Variants in ATR observed in about 807,000 individuals in gnomAD.
The protein encoded by ATR is serine/threonine-protein kinase ATR.
ATR carries 142 observed loss-of-function variants against 305.3 expected under a neutral mutation model. The observed-to-expected ratio is 0.47, with a 90% confidence interval of 0.41 to 0.53. The LOEUF (loss-of-function observed/expected upper bound fraction) is 0.53, where lower values mean the gene tolerates loss of function less well. ATR is among the 20% of genes least tolerant of loss of function. The pLI, the probability that ATR is intolerant of heterozygous loss-of-function variation, is 0.00. For missense variants in ATR, 2,135 were observed against 3,133.1 expected (o/e 0.68, Z 7.60); for synonymous variants, 1,050 against 1,068.1 (o/e 0.98, Z 0.33).
chr3:142,513,724 A>C, intron 25 of ATR, 86 bp from the exon 26 acceptor site: 3 of 1,310,280 alleles, frequency 2.3e-6, no homozygotes, highest in Non-Finnish European at 3.2e-6. Flanking sequence ...ATTTATCACA[A>C]ACGAGTATTC....
intron 8 of ATR, among the ~76,000 whole-genome samples, chr3:142,557,884 T>C (rs1294494903): frequency 1.3e-5 from 2 of 151,784 alleles, no homozygotes; most frequent in African/African-American, 4.8e-5. Flanking sequence ...CCGCATGCCT[T>C]GGCCTCCCAA....
At position 142,524,134 on chromosome 3, in the gene ATR, T is replaced by C. The variant is rs1337287423; in HGVS notation, c.4011A>G (p.Thr1337=). Residue 1337 remains threonine, a synonymous_variant, in exon 22 of 47, where the codon ACA becomes ACG. Coordinates refer to ENST00000350721, the MANE Select transcript of ATR (RefSeq NM_001184.4). ...TVEPIISQLV[T]VLLKGCQDAN... is the part of the protein sequence containing the mutation. ...CATCTTGGCAACCTTTCAAAAGCAC[T>C]GTCACCAACTGTGAGATAATAGGTT... 3.1e-6 allele frequency: 5 copies of C among 1,614,090 alleles called. No homozygotes were observed. The highest frequency in any genetic ancestry group is 3.4e-6 in the Non-Finnish European group (4 of 1,179,944).
intron 36 of ATR, among the ~76,000 whole-genome samples, chr3:142,484,150 G>C (rs2030746559): frequency 6.6e-6 from 1 of 152,154 alleles, no homozygotes; most frequent in Non-Finnish European, 1.5e-5. Flanking sequence ...ATCTGCCTAA[G>C]GGAGGATTCT....
intron 6 of ATR, 116 bp downstream of exon 6, chr3:142,560,147 A>T: frequency 1.0e-6 from 1 of 957,988 alleles, no homozygotes; most frequent in Non-Finnish European, 1.7e-6. Context: ...TTTATTAACT[A>T]CTTCAGTGAA....
At chr3:142,524,223 T>A in intron 21 of ATR, 24 bp from the exon 22 acceptor site, 1 of 1,572,822 alleles carries the variant, frequency 6.4e-7, no homozygotes, top group Non-Finnish European at 8.7e-7. Flanking sequence ...AGAAAGAAAA[T>A]TTATACGTAA....
chr3:142,560,180 T>C (rs531271595), intron 6 of ATR, 83 bp downstream of exon 6: 3 of 1,355,004 alleles, frequency 2.2e-6, no homozygotes, highest in Non-Finnish European at 3.2e-6. Context: ...TAAGGTTACA[T>C]GAGTCAAGTG....
intron 13 of ATR, among the ~76,000 whole-genome samples, chr3:142,551,016 A>G (rs2034452630): frequency 6.6e-6 from 1 of 152,080 alleles, no homozygotes. Flanking sequence ...CAAACTCCTG[A>G]CCTCAGGTGA....
intron 36 of ATR, among the ~76,000 whole-genome samples, chr3:142,481,779 C>T (rs770614064): frequency 2.4e-4 from 37 of 151,882 alleles, no homozygotes; most frequent in South Asian, 4.2e-4. Context: ...CATTAATCAC[C>T]GTGCCCAGCC....
chr3:142,523,271 T>C (rs1258919219), intron 22 of ATR, among the ~76,000 whole-genome samples: 1 of 151,930 alleles, frequency 6.6e-6, no homozygotes, highest in African/African-American at 2.4e-5. Context: ...AATACAAAAA[T>C]TAGCCAGGCG....
intron 46 of ATR, chr3:142,451,628 G>A (rs998599764): frequency 8.0e-7 from 1 of 1,249,834 alleles, no homozygotes; most frequent in Admixed American, 3.0e-5. Flanking sequence ...TGCCCAGGCT[G>A]GAGTGCAGTG....
In ATR at chr3:142,519,720, C is replaced by G; in HGVS notation, c.4331G>C (p.Arg1444Thr). 1 of 1,614,116 alleles carries G rather than the reference C, an allele frequency of 6.2e-7. No individual in the cohort carries two copies. Among genetic ancestry groups the G allele is most frequent in the South Asian group, 1.1e-5 (1 of 91,080 alleles). ...ETNGPGHQLW[R>T]RFPEHVREIL... ...TTCCCGAACATGCTCAGGAAATCTC[C>G]TCCACAATTGGTGACCTGGGCCGTT... Residue 1444 changes from arginine to threonine, a missense_variant, in exon 24 of 47, where the codon AGG becomes ACG. This residue lies in a region of ATR where 202 missense variants were observed against 252.9 expected (regional missense o/e 0.80). Transcript: ENST00000350721.
In ATR at chr3:142,561,498, A is replaced by G. The variant is rs140354119; in HGVS notation, c.1171-77T>C. ...TATTATTCATAGGCAGCAAGAATGT[A>G]TTAGATGTTAGGTGTTTTCTAGTGA... On this transcript the variant is annotated intron_variant, in intron 4 of 46. Transcript: ENST00000350721. 1,195 of 1,434,032 alleles carry G rather than the reference A, an allele frequency of 8.3e-4. 2 individuals carry two copies. In the Middle Eastern group the frequency reaches 0.012, roughly 15 times the overall value. 88.8% of individuals were successfully genotyped at this position (1,434,032 alleles called of 1,614,324 possible).
intron 13 of ATR, 100 bp downstream of exon 13, chr3:142,553,127 G>C: frequency 1.4e-6 from 2 of 1,433,928 alleles, no homozygotes; most frequent in Non-Finnish European, 1.9e-6. Context: ...GAAGAAAAAA[G>C]AAAAGCAAGC....
chr3:142,450,522 T>C (rs2070765458), intron 46 of ATR: 1 of 1,605,668 alleles, frequency 6.2e-7, no homozygotes, highest in Non-Finnish European at 8.5e-7. Flanking sequence ...CTATTTCTCA[T>C]ATCCAGAAAA....
intron 1 of ATR, among the ~76,000 whole-genome samples, chr3:142,577,199 G>C (rs762431121): frequency 3.8e-4 from 58 of 151,820 alleles, no homozygotes; most frequent in Non-Finnish European, 5.3e-4. Context: ...TCTTTCTCTT[G>C]GAATAGCTAC....
rs760704056 is a variant in ATR at position 142,468,093 on chromosome 3, C to CA, written c.6553-26dup. Reference sequence around the variant, plus strand: ...ACTGTCATAAAAAAGAGTTAAATGTCATAAAAAAGAGTTTATACAGGATTT... The same window carrying CA: ...ACTGTCATAAAAAAGAGTTAAATGTCAATAAAAAAGAGTTTATACAGGATTT... On this transcript the variant is annotated intron_variant, in intron 38 of 46. Transcript: ENST00000350721. The CA allele has an allele frequency of 9.3e-6, 15 of 1,607,682 alleles. No individual in the cohort carries two copies. In the Admixed American group the frequency reaches 2.5e-4, roughly 27 times the overall value.
intron 45 of ATR, among the ~76,000 whole-genome samples, chr3:142,455,929 A>T (rs1355028520): frequency 6.6e-6 from 1 of 152,270 alleles, no homozygotes; most frequent in African/African-American, 2.4e-5. Context: ...TTCAAAGGCC[A>T]TCATCAAAGA....
rs148067694 is a variant in ATR at position 142,460,837 on chromosome 3, G to A, written c.7192+1103C>T. On this transcript the variant is annotated intron_variant, in intron 42 of 46. Coordinates refer to ENST00000350721, the MANE Select transcript of ATR (RefSeq NM_001184.4). ...TTACAAAAAGTTGCATCAATGATACGGAGTTCCCACATATTCTTCACCCAG... is the reference window on the plus strand; with the variant it reads ...TTACAAAAAGTTGCATCAATGATACAGAGTTCCCACATATTCTTCACCCAG... 3.4e-3 allele frequency among the ~76,000 whole-genome samples: 512 copies of A among 152,080 alleles called. 5 individuals carry two copies. The Middle Eastern group carries it at 0.044, about 13-fold the overall frequency.
chr3:142,479,554 C>T (rs1374959506), intron 36 of ATR, among the ~76,000 whole-genome samples: 1 of 152,158 alleles, frequency 6.6e-6, no homozygotes, highest in East Asian at 1.9e-4. Context: ...GTGAATCTGA[C>T]AATTATGTGT....
Sources: allele counts gnomAD v4.1 joint callset (sites outside exome capture counted in the v4.1 genomes callset), GRCh38; gene constraint gnomAD v4.1.1; regional missense constraint gnomAD v4.1.1; transcripts MANE v1.5; gene names NCBI Gene and HGNC (gene_info 2026-07-23, HGNC 2026-07-21).